PRELID2: variants seen among roughly 807,000 people sequenced by gnomAD.
PRELID2 encodes PRELI domain containing 2.
A neutral mutation model predicts 28.4 loss-of-function variants in PRELID2; 25 were observed. The observed-to-expected ratio is 0.88, with a 90% confidence interval of 0.64 to 1.23. The LOEUF (loss-of-function observed/expected upper bound fraction) is 1.23, where lower values mean the gene tolerates loss of function less well. PRELID2 is among the 50% of genes most tolerant of loss of function. The pLI, the probability that PRELID2 is intolerant of heterozygous loss-of-function variation, is 0.00. For synonymous variants in PRELID2, 76 were observed against 71.6 expected (o/e 1.06, Z -0.31); for missense variants, 201 against 214.4 (o/e 0.94, Z 0.39).
At chr5:145,651,511 G>A (rs1378118251) in intron 1 of PRELID2, among the ~76,000 whole-genome samples, 1 of 152,162 alleles carries the variant, frequency 6.6e-6, no homozygotes, top group Non-Finnish European at 1.5e-5. Context: ...ACCCCCAGTA[G>A]GGGCAGACTG....
At chr5:145,247,022 A>G in the PRELID2 span, among the ~76,000 whole-genome samples, 1 of 152,140 alleles carries the variant, frequency 6.6e-6, no homozygotes, top group Non-Finnish European at 1.5e-5. Flanking sequence ...GAACCTCCCA[A>G]ATTGCTCCTG....
intron 4 of PRELID2, among the ~76,000 whole-genome samples, chr5:145,798,260 A>C (rs931798419): frequency 6.6e-6 from 1 of 152,186 alleles, no homozygotes; most frequent in Non-Finnish European, 1.5e-5. Context: ...ATCATTATCC[A>C]CATTACGGGA....
At chr5:145,689,017 C>T (rs1410154728) in intron 1 of PRELID2, among the ~76,000 whole-genome samples, 1 of 152,160 alleles carries the variant, frequency 6.6e-6, no homozygotes, top group Non-Finnish European at 1.5e-5. Context: ...AAAGGAGATA[C>T]TGAGATATCA....
At chr5:145,453,949 G>T in the PRELID2 span, among the ~76,000 whole-genome samples, 1 of 152,084 alleles carries the variant, frequency 6.6e-6, no homozygotes, top group Non-Finnish European at 1.5e-5. Flanking sequence ...CTTTACAGTA[G>T]AATGATTTAT....
At chr5:145,387,937 A>T in the PRELID2 span, among the ~76,000 whole-genome samples, 7 of 78,724 alleles carry the variant, frequency 8.9e-5, no homozygotes, top group African/African-American at 3.1e-4. Flanking sequence ...AGACAGAACC[A>T]AAAAAAAAAA....
At chr5:145,532,406 A>G (rs1454059486) in intron 1 of PRELID2, among the ~76,000 whole-genome samples, 5 of 152,144 alleles carry the variant, frequency 3.3e-5, no homozygotes, top group Admixed American at 3.3e-4. Flanking sequence ...GTAAACATAT[A>G]CGTTGTAGAA....
chr5:145,649,215 T>A (rs1754246833), intron 1 of PRELID2, among the ~76,000 whole-genome samples: 1 of 152,194 alleles, frequency 6.6e-6, no homozygotes, highest in South Asian at 2.1e-4. Flanking sequence ...GGAAAATGTG[T>A]GTAGGTTATA....
intron 1 of PRELID2, among the ~76,000 whole-genome samples, chr5:145,689,570 T>C (rs1755103483): frequency 6.6e-6 from 1 of 152,158 alleles, no homozygotes; most frequent in Non-Finnish European, 1.5e-5. Context: ...AACAATAGCT[T>C]AGTATTCAAC....
intron 2 of PRELID2, 83 bp downstream of exon 2, chr5:145,822,994 G>A: frequency 1.4e-6 from 1 of 713,364 alleles, no homozygotes; most frequent in South Asian, 1.8e-5. Flanking sequence ...AACCTAATAG[G>A]CCACACACAC....
intron 1 of PRELID2, among the ~76,000 whole-genome samples, chr5:145,538,366 A>G (rs898726778): frequency 2.0e-5 from 3 of 151,876 alleles, no homozygotes; most frequent in Non-Finnish European, 4.4e-5. Flanking sequence ...ATGATTTTAA[A>G]AAAATCTCTG....
the PRELID2 span, among the ~76,000 whole-genome samples, chr5:145,331,175 AGG>A: frequency 6.4e-4 from 97 of 152,302 alleles, no homozygotes; most frequent in Non-Finnish European, 1.1e-3. Context: ...GCATTCACTG[AGG>A]AGTGTTTTAC....
intron 1 of PRELID2, among the ~76,000 whole-genome samples, chr5:145,688,151 A>T (rs1755072967): frequency 6.6e-6 from 1 of 152,200 alleles, no homozygotes; most frequent in Admixed American, 6.5e-5. Context: ...AAGGCTTTTA[A>T]CCTGGTGAAT....
the PRELID2 span, among the ~76,000 whole-genome samples, chr5:145,426,854 T>G: frequency 6.6e-6 from 1 of 152,226 alleles, no homozygotes; most frequent in Admixed American, 6.5e-5. Context: ...GAAAATAAAT[T>G]TGGCATTTCT....
intron 1 of PRELID2, among the ~76,000 whole-genome samples, chr5:145,530,615 T>C (rs1190553239): frequency 6.6e-6 from 1 of 151,954 alleles, no homozygotes. Flanking sequence ...AAGACTCTGG[T>C]AACGAACGCA....
At chr5:145,774,955 T>A (rs1758322598) in intron 5 of PRELID2, among the ~76,000 whole-genome samples, 1 of 152,038 alleles carries the variant, frequency 6.6e-6, no homozygotes, top group Non-Finnish European at 1.5e-5. Flanking sequence ...AATGGCAAAA[T>A]CAGGCCAGGC....
intron 4 of PRELID2, among the ~76,000 whole-genome samples, chr5:145,817,303 G>A (rs1431291030): frequency 7.1e-6 from 1 of 141,296 alleles, no homozygotes; most frequent in African/African-American, 2.5e-5. Context: ...CACAAATGTT[G>A]TAATATTGTT....
chr5:145,680,725 A>C (rs748084503), intron 1 of PRELID2, among the ~76,000 whole-genome samples: 2 of 152,206 alleles, frequency 1.3e-5, no homozygotes, highest in Non-Finnish European at 2.9e-5. Flanking sequence ...GATTCTTATA[A>C]TAAATTCCCT....
At chr5:145,287,203 T>A in the PRELID2 span, among the ~76,000 whole-genome samples, 1 of 152,312 alleles carries the variant, frequency 6.6e-6, no homozygotes, top group Non-Finnish European at 1.5e-5. Context: ...AAACCCCATA[T>A]ATACTATGTT....
At chr5:145,767,194 G>T (rs562901194) in intron 5 of PRELID2, among the ~76,000 whole-genome samples, 2 of 146,768 alleles carry the variant, frequency 1.4e-5, no homozygotes, top group South Asian at 2.2e-4. Flanking sequence ...CAGCAGAGGA[G>T]AGAGGAGAAG....
Sources: gnomAD v4.1 joint callset for allele counts (sites outside exome capture counted in the v4.1 genomes callset) on GRCh38, gnomAD v4.1.1 for gene constraint, MANE v1.5 for transcripts, NCBI Gene and HGNC (gene_info 2026-07-23, HGNC 2026-07-21) for gene names.